Variants in TSHZ2 observed in about 807,000 individuals in gnomAD.
The protein encoded by TSHZ2 is teashirt zinc finger homeobox 2.
A neutral mutation model predicts 74.4 loss-of-function variants in TSHZ2; 21 were observed. The ratio of observed to expected loss-of-function variants is 0.28; its 90% CI spans 0.20 to 0.41. The LOEUF (loss-of-function observed/expected upper bound fraction) is 0.41, where lower values mean the gene tolerates loss of function less well. TSHZ2 is among the 10% of genes least tolerant of loss of function. The pLI is 1.00. For missense variants in TSHZ2, 1,244 were observed against 1,293.5 expected, an observed-to-expected ratio of 0.96 and a Z score of 0.59; for synonymous variants, 540 against 515.3, an observed-to-expected ratio of 1.05 and a Z score of -0.65.
intron 1 of TSHZ2, among the ~76,000 whole-genome samples, chr20:53,176,257 G>C (rs1988334072): frequency 6.6e-6 from 1 of 152,080 alleles, no homozygotes; most frequent in South Asian, 2.1e-4. Flanking sequence ...TCTTCTCCCT[G>C]ATAAGCCTCA....
intron 2 of TSHZ2, among the ~76,000 whole-genome samples, chr20:53,259,944 A>G (rs999152795): frequency 2.0e-5 from 3 of 152,244 alleles, no homozygotes; most frequent in African/African-American, 4.8e-5. Context: ...ACAAATTAAT[A>G]TCTATTAATG....
chr20:53,014,622 C>T (rs1982971081), intron 1 of TSHZ2, among the ~76,000 whole-genome samples: 1 of 152,094 alleles, frequency 6.6e-6, no homozygotes. Flanking sequence ...TCCATTTTCT[C>T]CTCCTTCAAG....
intron 1 of TSHZ2, among the ~76,000 whole-genome samples, chr20:53,037,792 G>T (rs1361644461): frequency 6.6e-6 from 1 of 152,164 alleles, no homozygotes; most frequent in Non-Finnish European, 1.5e-5. Flanking sequence ...GGGCAGGGCC[G>T]GTGGCCCTGG....
chr20:53,433,146 T>C (rs1208495135), intron 2 of TSHZ2, among the ~76,000 whole-genome samples: 15 of 152,202 alleles, frequency 9.9e-5, no homozygotes, highest in Admixed American at 9.2e-4. Context: ...TGTGTAATTT[T>C]GTCATCCTTA....
At chr20:53,284,127 A>G (rs936391250) in intron 2 of TSHZ2, among the ~76,000 whole-genome samples, 32 of 152,128 alleles carry the variant, frequency 2.1e-4, no homozygotes, top group African/African-American at 7.5e-4. Flanking sequence ...TAAGAGTTTT[A>G]CCGCCTCGAA....
intron 2 of TSHZ2, among the ~76,000 whole-genome samples, chr20:53,334,377 T>C (rs1002890654): frequency 1.3e-5 from 2 of 151,952 alleles, no homozygotes; most frequent in Admixed American, 6.6e-5. Flanking sequence ...CACACAGACA[T>C]TGGGGAAGGA....
chr20:53,259,885 C>A (rs1990567109), intron 2 of TSHZ2, among the ~76,000 whole-genome samples: 1 of 152,110 alleles, frequency 6.6e-6, no homozygotes, highest in African/African-American at 2.4e-5. Flanking sequence ...AATCTGGCAA[C>A]CCTAACAGCA....
At chr20:53,334,723 C>T (rs1979872567) in intron 2 of TSHZ2, among the ~76,000 whole-genome samples, 2 of 151,474 alleles carry the variant, frequency 1.3e-5, no homozygotes, top group Non-Finnish European at 2.9e-5. Flanking sequence ...GAGGCAGAGT[C>T]TCGCTCTGTC....
At position 53,469,064 on chromosome 20, in the gene TSHZ2, T is replaced by TATATATAC. The variant is rs1555872269; in HGVS notation, c.*9-18073_*9-18072insCATATATA. On this transcript the variant is annotated intron_variant, in intron 2 of 2. Coordinates refer to ENST00000371497, the MANE Select transcript of TSHZ2 (RefSeq NM_173485.6). The stretch of plus-strand genomic sequence containing the variant: ...GATATTTTATATATATATATATATA[T>TATATATAC]ATATATATATATATATATATGTACA... 2.9e-3 allele frequency among the ~76,000 whole-genome samples: 354 copies of TATATATAC among 123,428 alleles called. 8 individuals carry two copies. The highest frequency in any genetic ancestry group is 0.01 in the African/African-American group (332 of 31,664). 81.0% of individuals were successfully genotyped at this position (123,428 alleles called of 152,430 possible).
intron 1 of TSHZ2, among the ~76,000 whole-genome samples, chr20:53,084,270 A>T (rs1600681903): frequency 6.6e-6 from 1 of 152,244 alleles, no homozygotes. Context: ...AATTTTGAAG[A>T]ACCCTTGGAA....
intron 2 of TSHZ2, among the ~76,000 whole-genome samples, chr20:53,425,801 GT>G (rs11476894): frequency 0.14 from 20,120 of 146,428 alleles, 1,800 homozygotes; most frequent in East Asian, 0.32. Flanking sequence ...ACGTTCTTTT[GT>G]TTTTTTTTTT....
intron 2 of TSHZ2, among the ~76,000 whole-genome samples, chr20:53,404,581 T>G (rs1223876086): frequency 6.6e-6 from 1 of 152,244 alleles, no homozygotes; most frequent in Non-Finnish European, 1.5e-5. Context: ...TATCTCCCCA[T>G]GTACTTTGCA....
intron 2 of TSHZ2, among the ~76,000 whole-genome samples, chr20:53,446,726 G>A (rs1279726444): frequency 3.3e-5 from 5 of 152,320 alleles, no homozygotes; most frequent in East Asian, 1.9e-4. Context: ...TTGATGAAAT[G>A]CTACTGCAAT....
At chr20:53,175,124 C>CTTCT (rs1211786866) in intron 1 of TSHZ2, among the ~76,000 whole-genome samples, 2 of 95,696 alleles carry the variant, frequency 2.1e-5, no homozygotes, top group African/African-American at 4.1e-5. Flanking sequence ...CCTCCTTCTT[C>CTTCT]TTCTTTCTTT....
At position 53,255,757 on chromosome 20, in the gene TSHZ2, C is replaced by T; in HGVS notation, c.2299C>T (p.Leu767=). ...LFENSDQPID[L]TKSKSKKAES... ...TGAGAACAGCGATCAGCCCATTGAC[C>T]TGACCAAGTCCAAAAGCAAGAAAGC... The change falls in exon 2 of 3, where the codon CTG becomes TTG. Residue 767 remains leucine (L), a synonymous_variant. Transcript: ENST00000371497. This position sits in a 1 kb window ranked among gnomAD's most constrained non-coding sequence, Gnocchi z 4.1. The T allele has an allele frequency of 1.2e-6, 2 of 1,614,028 alleles. No homozygotes were observed. Among genetic ancestry groups the T allele is most frequent in the Non-Finnish European group, 8.5e-7 (1 of 1,179,950 alleles).
chr20:53,149,049 T>C (rs917597223), intron 1 of TSHZ2, among the ~76,000 whole-genome samples: 3 of 152,168 alleles, frequency 2.0e-5, no homozygotes, highest in African/African-American at 7.2e-5. Flanking sequence ...CGTAGATAAA[T>C]ATTTCTGTGT....
At chr20:53,203,729 C>G (rs954302307) in intron 1 of TSHZ2, among the ~76,000 whole-genome samples, 3 of 152,018 alleles carry the variant, frequency 2.0e-5, no homozygotes, top group African/African-American at 7.2e-5. Flanking sequence ...AATTTTTATG[C>G]GAAATCTCCT....
intron 1 of TSHZ2, among the ~76,000 whole-genome samples, chr20:53,083,075 C>A (rs1163538992): frequency 1.3e-5 from 2 of 152,192 alleles, no homozygotes; most frequent in Non-Finnish European, 2.9e-5. Flanking sequence ...TACTTGCAAC[C>A]TAACCTTCTG....
At chr20:53,210,414 G>C (rs981806377) in intron 1 of TSHZ2, among the ~76,000 whole-genome samples, 1 of 152,158 alleles carries the variant, frequency 6.6e-6, no homozygotes, top group African/African-American at 2.4e-5. Flanking sequence ...GCTGGATGAG[G>C]AGTTGGGAGG....
Sources: allele counts gnomAD v4.1 joint callset (sites outside exome capture counted in the v4.1 genomes callset), GRCh38; gene constraint gnomAD v4.1.1; non-coding constraint Gnocchi (gnomAD v3.1); transcripts MANE v1.5; gene names NCBI Gene and HGNC (gene_info 2026-07-23, HGNC 2026-07-21).